INPP4A: variants seen among roughly 807,000 people sequenced by gnomAD.
INPP4A encodes inositol polyphosphate-4-phosphatase, type I, 107kD.
Under a neutral mutation model 119.8 loss-of-function variants are expected in INPP4A, and 33 were observed. The ratio of observed to expected loss-of-function variants is 0.28; its 90% confidence interval spans 0.21 to 0.37. INPP4A has a LOEUF of 0.37. Among genes scored for constraint, INPP4A ranks in the 10% least tolerant of loss-of-function variants. The pLI is 1.00. For missense variants in INPP4A, 956 were observed against 1,289.9 expected (o/e 0.74, Z 3.97); for synonymous variants, 496 against 500.7 (o/e 0.99, Z 0.12).
At chr2:98,544,060 C>A in intron 11 of INPP4A, 53 bp downstream of exon 11, 1 of 1,494,480 alleles carries the variant, frequency 6.7e-7, no homozygotes, top group Non-Finnish European at 9.1e-7. Context: ...CACACACACA[C>A]ACACTCTCAC....
chr2:98,533,255 T>A, intron 4 of INPP4A, 122 bp from the exon 5 acceptor site: 1 of 631,384 alleles, frequency 1.6e-6, no homozygotes. Flanking sequence ...ACTGACGATG[T>A]GATCGTCTCA....
chr2:98,546,693 C>G lies in INPP4A; in HGVS notation c.1162C>G (p.His388Asp). The part of the protein sequence containing the change: ...KLHKFEETKK[H>D]TSSGCQSIIY... ...GCACAAATTTGAAGAGACCAAGAAA[C>G]AGTAAGTAGCCAGAGAGGGTTTGTG... is the stretch of plus-strand genomic sequence containing the variant. Residue 388 changes from histidine to aspartate, a missense_variant and splice_region_variant, in exon 13 of 25, where the codon CAT becomes GAT. Physicochemically the swap from His to Asp is moderately conservative, Grantham distance 81. Coordinates refer to ENST00000409851, the MANE Select transcript of INPP4A (RefSeq NM_001134225.2). This position sits in a 1 kb window ranked among gnomAD's most constrained non-coding sequence, Gnocchi z 4.2. 6.4e-7 allele frequency: 1 copy of G among 1,573,554 alleles called. No homozygotes were observed. Among genetic ancestry groups the G allele is most frequent in the Non-Finnish European group, 8.7e-7 (1 of 1,143,108 alleles).
intron 1 of INPP4A, among the ~76,000 whole-genome samples, chr2:98,486,989 G>A: frequency 6.6e-6 from 1 of 152,188 alleles, no homozygotes; most frequent in East Asian, 1.9e-4. Context: ...AAGAAAAAAG[G>A]GGAAAAAAAG....
chr2:98,556,038 A>G (rs1017899975), intron 16 of INPP4A: 3 of 529,676 alleles, frequency 5.7e-6, no homozygotes, highest in Non-Finnish European at 1.0e-5. Flanking sequence ...TCTGCCAGTC[A>G]GAATCTCAGG....
intron 1 of INPP4A, among the ~76,000 whole-genome samples, chr2:98,495,297 C>T (rs1046342539): frequency 5.9e-5 from 9 of 152,164 alleles, no homozygotes; most frequent in Middle Eastern, 3.2e-3. Flanking sequence ...ATATTTGTTC[C>T]ACTGGTCTAC....
At chr2:98,489,364 G>A (rs3769726) in intron 1 of INPP4A, among the ~76,000 whole-genome samples, 2 of 151,866 alleles carry the variant, frequency 1.3e-5, no homozygotes, top group Non-Finnish European at 2.9e-5. Context: ...TCATCTCCTG[G>A]ATGGCCTTAG....
intron 1 of INPP4A, among the ~76,000 whole-genome samples, chr2:98,498,275 T>C (rs570205157): frequency 6.6e-6 from 1 of 152,040 alleles, no homozygotes; most frequent in African/African-American, 2.4e-5. Flanking sequence ...CATACTGTTC[T>C]CATGATAGTA....
At chr2:98,533,627 G>T (rs1335249837) in intron 5 of INPP4A, 132 bp downstream of exon 5, 11 of 621,756 alleles carry the variant, frequency 1.8e-5, no homozygotes, top group Non-Finnish European at 3.2e-5. Context: ...TTTCCCATGG[G>T]TTTTCAGTAC....
At chr2:98,498,330 C>T (rs1382824247) in intron 1 of INPP4A, among the ~76,000 whole-genome samples, 1 of 152,020 alleles carries the variant, frequency 6.6e-6, no homozygotes, top group African/African-American at 2.4e-5. Flanking sequence ...ACTCATTTCA[C>T]TTGGCTCTCA....
intron 16 of INPP4A, chr2:98,556,063 C>T: frequency 2.1e-6 from 1 of 481,152 alleles, no homozygotes; most frequent in Non-Finnish European, 3.7e-6. Flanking sequence ...TCTTGAGATA[C>T]ACCACCATGG....
rs1694186498 is a variant in INPP4A, at chr2:98,554,976, G to A, written c.1566+487G>A. ...CCTCAGAGAATTGGCCCTGGGAGCAGGATCTGTGTTTCTTGAGGGAGTGAC... is the reference window on the plus strand; with the variant it reads ...CCTCAGAGAATTGGCCCTGGGAGCAAGATCTGTGTTTCTTGAGGGAGTGAC... On this transcript the variant is annotated intron_variant, in intron 15 of 24. Coordinates refer to ENST00000409851, the MANE Select transcript of INPP4A (RefSeq NM_001134225.2). This position sits in a 1 kb window ranked among gnomAD's most constrained non-coding sequence, Gnocchi z 4.7. 6.6e-6 allele frequency among the ~76,000 whole-genome samples: 1 copy of A among 152,192 alleles called. No homozygotes were observed. The highest frequency in any genetic ancestry group is 2.4e-5 in the African/African-American group (1 of 41,444).
chr2:98,463,725 G>A (rs1251541452), intron 1 of INPP4A, among the ~76,000 whole-genome samples: 2 of 152,210 alleles, frequency 1.3e-5, no homozygotes, highest in African/African-American at 2.4e-5. Context: ...ATGTGCCTGC[G>A]AGACTGCTTA....
intron 1 of INPP4A, among the ~76,000 whole-genome samples, chr2:98,461,622 T>C (rs1697164478): frequency 1.3e-5 from 2 of 152,256 alleles, no homozygotes. Flanking sequence ...TTTCCTACCC[T>C]ATCCTCTAGC....
intron 4 of INPP4A, 147 bp from the exon 5 acceptor site, chr2:98,533,230 C>G (rs1231815016): frequency 1.8e-6 from 1 of 570,890 alleles, no homozygotes; most frequent in African/African-American, 1.9e-5. Flanking sequence ...TTTAAAAAAT[C>G]ACTTCCCTGT....
chr2:98,463,772 A>G (rs1430332504), intron 1 of INPP4A, among the ~76,000 whole-genome samples: 1 of 152,204 alleles, frequency 6.6e-6, no homozygotes, highest in Non-Finnish European at 1.5e-5. Context: ...GACCAGAGCC[A>G]TGAGCGTCCA....
In INPP4A at chr2:98,519,993, G is replaced by A; in HGVS notation, c.-56G>A. On this transcript the variant is annotated 5_prime_UTR_variant, in exon 3 of 25. Coordinates refer to ENST00000409851, the MANE Select transcript of INPP4A (RefSeq NM_001134225.2). ...TAGGGCTCGGTGCCAGCACTTCCCGGGTAATCAGGCGTGGTCTGACCGAGG... is the reference window on the plus strand; with the variant it reads ...TAGGGCTCGGTGCCAGCACTTCCCGAGTAATCAGGCGTGGTCTGACCGAGG... 7.0e-7 allele frequency: 1 copy of A among 1,428,952 alleles called. No individual in the cohort carries two copies. The highest frequency in any genetic ancestry group is 2.5e-5 in the East Asian group (1 of 40,336). The allele number at this position is 1,428,952 out of a possible 1,614,324, so 88.5% of individuals were successfully genotyped here.
rs1380253081 is a variant in INPP4A, at chr2:98,587,971, TAC to T, written c.*365_*366del. 4.3e-6 allele frequency: 1 copy of T among 231,114 alleles called. No individual in the cohort carries two copies. The highest frequency in any genetic ancestry group is 2.2e-5 in the African/African-American group (1 of 45,154). The allele number at this position is 231,114 out of a possible 1,614,324, so 14.3% of individuals were successfully genotyped here. A position where few individuals can be genotyped will look rare whatever the true frequency, so the allele number is the denominator to read the frequency against. ...ATGCCTGCTTGCTCACTTACTTTTC[TAC>T]AGAGTAACTCAAAAGTAACCATTGA... On this transcript the variant is annotated 3_prime_UTR_variant, in exon 25 of 25. Transcript: ENST00000409851.
chr2:98,532,994 G>A (rs1689525524), intron 4 of INPP4A, among the ~76,000 whole-genome samples: 1 of 152,210 alleles, frequency 6.6e-6, no homozygotes, highest in African/African-American at 2.4e-5. Context: ...AGCATGGGTA[G>A]CTCTGTCTTA....
intron 6 of INPP4A, 87 bp downstream of exon 6, chr2:98,535,932 C>T: frequency 1.3e-6 from 1 of 761,056 alleles, no homozygotes; most frequent in Non-Finnish European, 2.3e-6. Context: ...CACAGATTGA[C>T]TTCACTACTG....
Sources: allele counts gnomAD v4.1 joint callset (sites outside exome capture counted in the v4.1 genomes callset), GRCh38; gene constraint gnomAD v4.1.1; non-coding constraint Gnocchi (gnomAD v3.1); transcripts MANE v1.5; gene names NCBI Gene and HGNC (gene_info 2026-07-23, HGNC 2026-07-21).